PTK2: variants seen among roughly 807,000 people sequenced by gnomAD.
The protein encoded by PTK2 is focal adhesion kinase 1.
PTK2 carries 45 observed loss-of-function variants against 150.1 expected under a neutral mutation model. The ratio of observed to expected loss-of-function variants is 0.30; its 90% CI spans 0.24 to 0.38. The LOEUF is 0.38. Ranked by LOEUF, PTK2 falls within the 10% of genes least tolerant of loss-of-function variation. The probability of loss-of-function intolerance (pLI) is 1.00; values close to 1 mark genes in which losing one functional copy is unlikely to be tolerated. For synonymous variants in PTK2, 432 were observed against 449.2 expected, an observed-to-expected ratio of 0.96 and a Z score of 0.48; for missense variants, 919 against 1,307.3, an observed-to-expected ratio of 0.70 and a Z score of 4.58.
At chr8:140,768,861 A>G (rs979401154) in intron 14 of PTK2, among the ~76,000 whole-genome samples, 1 of 152,206 alleles carries the variant, frequency 6.6e-6, no homozygotes, top group Admixed American at 6.5e-5. Flanking sequence ...CTCGTTATCA[A>G]TATCTCTATC....
At chr8:140,740,560 C>T (rs1006435810) in intron 20 of PTK2, among the ~76,000 whole-genome samples, 13 of 152,116 alleles carry the variant, frequency 8.5e-5, no homozygotes, top group Admixed American at 8.5e-4. Context: ...ATTTCTATAG[C>T]CTAATGGAAT....
chr8:140,747,698 G>C (rs1312765411), intron 17 of PTK2, among the ~76,000 whole-genome samples: 1 of 86,016 alleles, frequency 1.2e-5, no homozygotes, highest in African/African-American at 4.6e-5. Flanking sequence ...GAGGAGGAGG[G>C]AGGAGGAGGG....
Position 140,669,740 on chromosome 8 carries a change from T to C in PTK2, c.2710-1316A>G, listed in dbSNP as rs1449814369. ...CGATGTGCTTACCCTCCATGGCTAT[T>C]GTCGAACGGAAGGTGAGGAAAAGTT... On this transcript the variant is annotated intron_variant, in intron 29 of 31. Transcript: ENST00000522684. 6 of 1,533,998 alleles carry C rather than the reference T, an allele frequency of 3.9e-6. No individual in the cohort carries two copies. Among genetic ancestry groups the C allele is most frequent in the Non-Finnish European group, 5.2e-6 (6 of 1,145,172 alleles).
chr8:140,662,835 A>G (rs1285698202), intron 31 of PTK2: 1 of 478,240 alleles, frequency 2.1e-6, no homozygotes, highest in Admixed American at 2.9e-5. Flanking sequence ...ACAAATGTTT[A>G]TAGGATATCC....
At chr8:140,746,134 C>G (rs1032694540) in intron 18 of PTK2, among the ~76,000 whole-genome samples, 1 of 152,148 alleles carries the variant, frequency 6.6e-6, no homozygotes. Flanking sequence ...GAGCTCAAGA[C>G]CAGCCTAGGC....
chr8:140,668,521 A>T, intron 29 of PTK2, 97 bp from the exon 34 acceptor site: 1 of 1,342,044 alleles, frequency 7.5e-7, no homozygotes, highest in Non-Finnish European at 1.0e-6. Context: ...AGATCAAAGC[A>T]GATTGCAGAA....
intron 2 of PTK2, among the ~76,000 whole-genome samples, chr8:140,904,298 T>C (rs2100159976): frequency 6.6e-6 from 1 of 152,216 alleles, no homozygotes; most frequent in Admixed American, 6.5e-5. Context: ...ATGGATTATG[T>C]TTATTGATTT....
chr8:140,735,503 G>A lies in PTK2; in HGVS notation c.1826-48C>T, dbSNP rs756457584. The A allele has an allele frequency of 1.7e-5, 27 of 1,575,560 alleles. No homozygotes were observed. In the South Asian group the frequency reaches 2.7e-4, roughly 16 times the overall value. ...CAACAGTGAGCTCAGTATGAAGAAT[G>A]TAACTCCCAGGTTCCAGGAACATTG... On this transcript the variant is annotated intron_variant, in intron 21 of 31. Coordinates refer to ENST00000522684, the Ensembl canonical transcript of PTK2.
At chr8:140,961,241 T>C (rs1031855863) in intron 1 of PTK2, among the ~76,000 whole-genome samples, 1 of 152,240 alleles carries the variant, frequency 6.6e-6, no homozygotes, top group African/African-American at 2.4e-5. Flanking sequence ...CAGCCAACTA[T>C]ATAGCCACAC....
chr8:140,754,721 A>G (rs1429211727), intron 16 of PTK2, among the ~76,000 whole-genome samples: 1 of 152,208 alleles, frequency 6.6e-6, no homozygotes, highest in Non-Finnish European at 1.5e-5. Flanking sequence ...TGCCAACATG[A>G]GCAGATTATG....
At chr8:140,778,431 A>G (rs1426933503) in intron 14 of PTK2, among the ~76,000 whole-genome samples, 1 of 152,230 alleles carries the variant, frequency 6.6e-6, no homozygotes, top group African/African-American at 2.4e-5. Flanking sequence ...AGCCTGGGTG[A>G]CAGAGAGGGG....
At chr8:140,992,612 C>G (rs540176559) in intron 1 of PTK2, among the ~76,000 whole-genome samples, 1 of 152,294 alleles carries the variant, frequency 6.6e-6, no homozygotes, top group South Asian at 2.1e-4. Flanking sequence ...ACTCTGAAAA[C>G]CACTGAAAGC....
At chr8:140,860,743 G>C (rs112111815) in intron 5 of PTK2, among the ~76,000 whole-genome samples, 2,138 of 152,226 alleles carry the variant, frequency 0.014, 56 homozygotes, top group African/African-American at 0.049. Context: ...CAAAGTGCTG[G>C]GATCACAGGC....
exon 32 of PTK2, chr8:140,658,814 A>T (rs1249835649): frequency 8.9e-6 from 2 of 225,968 alleles, no homozygotes; most frequent in East Asian, 1.3e-4. Flanking sequence ...ATGAGTTTTT[A>T]GTTGTGTTCT....
chr8:140,885,012 G>A (rs2154607214), intron 3 of PTK2, among the ~76,000 whole-genome samples: 1 of 152,148 alleles, frequency 6.6e-6, no homozygotes, highest in South Asian at 2.1e-4. Context: ...AATTTTAAGG[G>A]GTTTTGAATG....
chr8:140,762,779 TTTTC>T (rs2100070113), intron 15 of PTK2, among the ~76,000 whole-genome samples: 1 of 152,098 alleles, frequency 6.6e-6, no homozygotes, highest in Admixed American at 6.6e-5. Context: ...GGTGTTTTTT[TTTTC>T]TTTTTTTGTT....
At chr8:140,662,938 C>G (rs2082857297) in intron 31 of PTK2, 3 of 422,662 alleles carry the variant, frequency 7.1e-6, no homozygotes, top group Non-Finnish European at 1.3e-5. Flanking sequence ...GGCTGAGGAG[C>G]TGTTTCAGAT....
Position 140,921,559 on chromosome 8 carries a change from A to G in PTK2, c.-33+4102T>C, listed in dbSNP as rs2100167466. The stretch of plus-strand genomic sequence containing the variant: ...AAATTCCTGATCTATCTATGTCTCT[A>G]TGTCTATAGGTACCCAAATATTTTT... On this transcript the variant is annotated intron_variant, in intron 2 of 31. Coordinates refer to ENST00000522684, the Ensembl canonical transcript of PTK2. Among the ~76,000 whole-genome samples, 2 of 152,196 alleles carry G rather than the reference A, an allele frequency of 1.3e-5. 1 individual carries two copies. Among genetic ancestry groups the G allele is most frequent in the South Asian group, 4.1e-4 (2 of 4,826 alleles).
intron 1 of PTK2, among the ~76,000 whole-genome samples, chr8:140,946,101 TC>T (rs1260071787): frequency 2.0e-5 from 3 of 152,036 alleles, no homozygotes; most frequent in Non-Finnish European, 4.4e-5. Flanking sequence ...GAGGGGTGTG[TC>T]TAGGGGGTGA....
Sources: allele counts gnomAD v4.1 joint callset (sites outside exome capture counted in the v4.1 genomes callset), GRCh38; gene constraint gnomAD v4.1.1; transcripts MANE v1.5; gene names NCBI Gene and HGNC (gene_info 2026-07-23, HGNC 2026-07-21).